TAOK3: variants seen among roughly 807,000 people sequenced by gnomAD.
TAOK3 encodes serine/threonine-protein kinase TAO3.
In TAOK3, 40 loss-of-function variants were observed where a neutral mutation model predicts 120.4. The ratio of observed to expected loss-of-function variants is 0.33; its 90% confidence interval spans 0.26 to 0.43. The LOEUF is 0.43. TAOK3 is among the 20% of genes least tolerant of loss of function. TAOK3 has a pLI of 1.00. For missense variants in TAOK3, 821 were observed against 1,112.1 expected (o/e 0.74, Z 3.72); for synonymous variants, 355 against 387.5 (o/e 0.92, Z 0.99).
At chr12:118,369,115 G>A (rs1485126797) in intron 1 of TAOK3, among the ~76,000 whole-genome samples, 2 of 152,080 alleles carry the variant, frequency 1.3e-5, no homozygotes, top group East Asian at 3.8e-4. Context: ...TTGATCTTGG[G>A]AGGCAGAGGC....
chr12:118,245,380 G>C (rs965062358), intron 3 of TAOK3, among the ~76,000 whole-genome samples: 2 of 151,890 alleles, frequency 1.3e-5, no homozygotes, highest in African/African-American at 4.8e-5. Context: ...ACTGGGGCAC[G>C]ATCTTGGCTC....
At chr12:118,219,550 G>C (rs1207417712) in intron 9 of TAOK3, among the ~76,000 whole-genome samples, 1 of 151,924 alleles carries the variant, frequency 6.6e-6, no homozygotes, top group Admixed American at 6.6e-5. Flanking sequence ...ATTAGATTTT[G>C]TCATTGCAAA....
Position 118,235,557 on chromosome 12 carries a change from C to T in TAOK3, c.551+1G>A, listed in dbSNP as rs952070045. On this transcript the variant is annotated splice_donor_variant, in intron 8 of 20. Coordinates refer to ENST00000392533, the MANE Select transcript of TAOK3 (RefSeq NM_016281.4). LOFTEE classifies it high-confidence loss of function. The stretch of plus-strand genomic sequence containing the variant: ...ATGTCATATAGCCTAATTCTACATA[C>T]CAGTAAGGTGTGCCCACGAAGGAGT... 1 of 1,610,948 alleles carries T rather than the reference C, an allele frequency of 6.2e-7. No homozygotes were observed. Among genetic ancestry groups the T allele is most frequent in the Non-Finnish European group, 8.5e-7 (1 of 1,177,572 alleles).
chr12:118,246,650 C>T, intron 3 of TAOK3: 4 of 1,566,214 alleles, frequency 2.6e-6, no homozygotes, highest in South Asian at 2.3e-5. Context: ...GCCGCTGCGG[C>T]TCTGTGCTGG....
chr12:118,235,051 C>A (rs1471008053), intron 8 of TAOK3, among the ~76,000 whole-genome samples: 1 of 152,020 alleles, frequency 6.6e-6, no homozygotes, highest in East Asian at 1.9e-4. Flanking sequence ...GAAATTCCAA[C>A]GTGTCTAGGA....
chr12:118,253,865 A>G (rs2040866316), intron 3 of TAOK3, among the ~76,000 whole-genome samples: 1 of 152,176 alleles, frequency 6.6e-6, no homozygotes, highest in South Asian at 2.1e-4. Flanking sequence ...CCTGGCCAAC[A>G]TGGTGAAACC....
chr12:118,305,486 AT>A (rs1004238862), intron 1 of TAOK3, among the ~76,000 whole-genome samples: 1 of 152,172 alleles, frequency 6.6e-6, no homozygotes, highest in Admixed American at 6.5e-5. Flanking sequence ...AAACAAAAAA[AT>A]AATAAAAATA....
chr12:118,163,448 T>TTTGGG (rs1555209281), intron 17 of TAOK3, among the ~76,000 whole-genome samples: 1 of 123,846 alleles, frequency 8.1e-6, no homozygotes, highest in Non-Finnish European at 1.7e-5. Flanking sequence ...ACTTTTTTTT[T>TTTGGG]GGGGGGGGTG....
At chr12:118,210,919 A>G (rs2038593863) in intron 11 of TAOK3, among the ~76,000 whole-genome samples, 1 of 151,714 alleles carries the variant, frequency 6.6e-6, no homozygotes, top group South Asian at 2.1e-4. Context: ...TTGTATTTTT[A>G]GTAGAGACGG....
chr12:118,291,525 T>G (rs937371186), intron 1 of TAOK3, among the ~76,000 whole-genome samples: 1 of 152,206 alleles, frequency 6.6e-6, no homozygotes, highest in Non-Finnish European at 1.5e-5. Context: ...CATTACTACT[T>G]CATGTGCTTT....
intron 1 of TAOK3, among the ~76,000 whole-genome samples, chr12:118,331,765 TAAATA>T (rs956213833): frequency 5.3e-5 from 8 of 151,276 alleles, no homozygotes; most frequent in African/African-American, 1.9e-4. Flanking sequence ...TTAGTATTAA[TAAATA>T]AAAGCATTTT....
At chr12:118,338,381 T>C (rs79177657) in intron 1 of TAOK3, among the ~76,000 whole-genome samples, 2,738 of 152,336 alleles carry the variant, frequency 0.018, 70 homozygotes, top group East Asian at 0.067. Flanking sequence ...GTCTGGAACA[T>C]AGTACCTTTT....
intron 1 of TAOK3, among the ~76,000 whole-genome samples, chr12:118,317,136 G>A (rs1045580019): frequency 3.9e-5 from 6 of 152,012 alleles, no homozygotes; most frequent in African/African-American, 2.4e-5. Flanking sequence ...GGTGGTGCAC[G>A]CCTGTAACTC....
chr12:118,324,990 C>A (rs2043876823), intron 1 of TAOK3, among the ~76,000 whole-genome samples: 1 of 152,020 alleles, frequency 6.6e-6, no homozygotes, highest in Non-Finnish European at 1.5e-5. Context: ...TTGTGATCCG[C>A]CCGCCTCGGC....
intron 1 of TAOK3, among the ~76,000 whole-genome samples, chr12:118,349,802 C>T (rs923132819): frequency 6.6e-6 from 1 of 152,134 alleles, no homozygotes; most frequent in African/African-American, 2.4e-5. Flanking sequence ...TTATTAGTTT[C>T]ATGCCCCAAA....
At chr12:118,279,601 TGA>T (rs1404207719) in intron 1 of TAOK3, among the ~76,000 whole-genome samples, 2 of 147,210 alleles carry the variant, frequency 1.4e-5, no homozygotes, top group South Asian at 2.1e-4. Flanking sequence ...TTTTTTTTTT[TGA>T]GAGAGAGTCT....
intron 1 of TAOK3, among the ~76,000 whole-genome samples, chr12:118,283,012 A>C (rs1424320088): frequency 6.6e-6 from 1 of 152,256 alleles, no homozygotes; most frequent in African/African-American, 2.4e-5. Flanking sequence ...TCAAAGGATA[A>C]GTGACAAACT....
intron 1 of TAOK3, chr12:118,295,231 G>A (rs12308475): frequency 0.23 from 33,704 of 148,456 alleles, 4,251 homozygotes; most frequent in African/African-American, 0.34. Flanking sequence ...AATAGAGATG[G>A]GGTCTTACCA....
At chr12:118,152,795 A>G (rs1394093343) in intron 19 of TAOK3, 1 of 168,740 alleles carries the variant, frequency 5.9e-6, no homozygotes, top group Non-Finnish European at 1.3e-5. Context: ...TAACAAGAAT[A>G]GTTCCTATTG....
Sources: allele counts gnomAD v4.1 joint callset (sites outside exome capture counted in the v4.1 genomes callset), GRCh38; gene constraint gnomAD v4.1.1; transcripts MANE v1.5; gene names NCBI Gene and HGNC (gene_info 2026-07-23, HGNC 2026-07-21).